The following KCNQ2 variants were observed in gnomAD, a reference collection of about 807,000 sequenced individuals.
KCNQ2 encodes the protein potassium voltage-gated channel subfamily Q member 2.
In KCNQ2, 14 loss-of-function variants were observed where a neutral mutation model predicts 84.8. The ratio of observed to expected loss-of-function variants is 0.17; its 90% confidence interval spans 0.11 to 0.26. The LOEUF is 0.26. Ranked by LOEUF, KCNQ2 falls within the 10% of genes least tolerant of loss-of-function variation. The probability of loss-of-function intolerance (pLI) is 1.00; values close to 1 mark genes in which losing one functional copy is unlikely to be tolerated. For missense variants in KCNQ2, 788 were observed against 1,254.0 expected (o/e 0.63, Z 5.61); for synonymous variants, 599 against 554.1 (o/e 1.08, Z -1.14).
chr20:63,444,466 ACGAGAAGAAGCAC>A (rs1056431692), intron 4 of KCNQ2, among the ~76,000 whole-genome samples, 180 bp downstream of exon 4: 1 of 152,162 alleles, frequency 6.6e-6, no homozygotes, highest in Admixed American at 6.5e-5. Flanking sequence ...GGCCCAAGTC[ACGAGAAGAAGCAC>A]CGAGAAGAAA....
At chr20:63,437,356 T>A (rs2081038730) in intron 7 of KCNQ2, 1 of 152,224 alleles carries the variant, frequency 6.6e-6, no homozygotes, top group African/African-American at 2.4e-5. Flanking sequence ...AAACCGTCAA[T>A]AGTGGAGTGA....
At position 63,401,204 on chromosome 20, in the gene KCNQ2, C is replaced by A; in HGVS notation, c.*5440G>T. 8.4e-6 allele frequency: 2 copies of A among 239,102 alleles called. No individual in the cohort carries two copies. Among genetic ancestry groups the A allele is most frequent in the Admixed American group, 5.6e-5 (1 of 17,746 alleles). 14.8% of individuals were successfully genotyped at this position (239,102 alleles called of 1,614,324 possible). A position where few individuals can be genotyped will look rare whatever the true frequency, so the allele number is the denominator to read the frequency against. ...ACGCCTTTTAAAACTCTGAAGAGGCCCCTCCATCCCAAATGGTCCCCTCCC... is the reference window on the plus strand; with the variant it reads ...ACGCCTTTTAAAACTCTGAAGAGGCACCTCCATCCCAAATGGTCCCCTCCC... On this transcript the variant is annotated 3_prime_UTR_variant, in exon 17 of 17. Transcript: ENST00000359125.
At chr20:63,453,472 G>A (rs1197113265) in intron 1 of KCNQ2, among the ~76,000 whole-genome samples, 1 of 152,272 alleles carries the variant, frequency 6.6e-6, no homozygotes, top group Non-Finnish European at 1.5e-5. Context: ...CATCTCGTGC[G>A]CCTTCTGCGG....
rs202133311 is a variant in KCNQ2 at position 63,442,701 on chromosome 20, T to C, written c.691-170A>G. On this transcript the variant is annotated intron_variant, in intron 4 of 16. Coordinates refer to ENST00000359125, the MANE Select transcript of KCNQ2 (RefSeq NM_172107.4). ...ACCACCACCATCACCATCACCACCA[T>C]CACCATCACCACCACCACCACCATC... Among the ~76,000 whole-genome samples the C allele has an allele frequency of 0.6, 28,296 of 47,278 alleles. 7,322 individuals are homozygous for C. Among genetic ancestry groups the C allele is most frequent in the African/African-American group, 0.64 (7,543 of 11,842 alleles). The allele number at this position is 47,278 out of a possible 152,430, so 31.0% of individuals were successfully genotyped here.
chr20:63,404,255 G>A lies in KCNQ2; in HGVS notation c.*2389C>T, dbSNP rs1329363328. On this transcript the variant is annotated 3_prime_UTR_variant, in exon 17 of 17. Transcript: ENST00000359125. ...GAGCAGGCGGGGCCTCACCTCGGGG[G>A]AGGAAAGAGCAGGTGGGGCCATACT... The A allele has an allele frequency of 1.3e-5, 2 of 152,374 alleles. No individual in the cohort carries two copies. The highest frequency in any genetic ancestry group is 4.8e-5 in the African/African-American group (2 of 41,364). 9.4% of individuals were successfully genotyped at this position (152,374 alleles called of 1,614,324 possible).
rs1243967223 is a variant in KCNQ2 at position 63,446,953 on chromosome 20, C to T, written c.297-116G>A. On this transcript the variant is annotated intron_variant, in intron 1 of 16. Coordinates refer to ENST00000359125, the MANE Select transcript of KCNQ2 (RefSeq NM_172107.4). This position sits in a 1 kb window ranked among gnomAD's most constrained non-coding sequence, Gnocchi z 5.5. ...GGCCGCAGCAGGGCACCAGCATGGC[C>T]GCGTCTCCAGAACGCAGGACCCCAC... 5.4e-6 allele frequency: 5 copies of T among 921,556 alleles called. No individual in the cohort carries two copies. Among genetic ancestry groups the T allele is most frequent in the Middle Eastern group, 2.9e-4 (1 of 3,480 alleles). The allele number at this position is 921,556 out of a possible 1,614,324, so 57.1% of individuals were successfully genotyped here. A position where few individuals can be genotyped will look rare whatever the true frequency, so the allele number is the denominator to read the frequency against.
chr20:63,417,343 C>G (rs1172432202), intron 12 of KCNQ2, among the ~76,000 whole-genome samples: 1 of 152,250 alleles, frequency 6.6e-6, no homozygotes, highest in African/African-American at 2.4e-5. Context: ...CCTCCTGACC[C>G]CGCTCAGGCA....
chr20:63,454,807 C>T (rs567741842), intron 1 of KCNQ2, among the ~76,000 whole-genome samples: 11 of 152,380 alleles, frequency 7.2e-5, no homozygotes, highest in Admixed American at 7.2e-4. Flanking sequence ...CACTGGGACA[C>T]ACTCCCTGCC....
chr20:63,443,085 C>T (rs1600774258), intron 4 of KCNQ2, among the ~76,000 whole-genome samples: 1 of 40,964 alleles, frequency 2.4e-5, no homozygotes, highest in African/African-American at 9.8e-5. Context: ...CCACCACCAC[C>T]ATTATCACCA....
intron 1 of KCNQ2, among the ~76,000 whole-genome samples, chr20:63,467,814 A>G (rs2082117922): frequency 6.6e-6 from 1 of 152,202 alleles, no homozygotes; most frequent in African/African-American, 2.4e-5. Context: ...CGTGGTCAGC[A>G]TCCTGGGGGC....
At chr20:63,411,501 A>G (rs778547831) in intron 15 of KCNQ2, among the ~76,000 whole-genome samples, 1 of 152,220 alleles carries the variant, frequency 6.6e-6, no homozygotes, top group Non-Finnish European at 1.5e-5. Context: ...CCCAGAGGGA[A>G]ATCTCACAGG....
At chr20:63,411,662 G>A (rs1282909688) in intron 15 of KCNQ2, 3 of 498,278 alleles carry the variant, frequency 6.0e-6, no homozygotes, top group South Asian at 3.8e-5. Context: ...GAGAAAACCC[G>A]AGTGTCCCCT....
At chr20:63,443,571 CCACCATCACTACCACCAT>C (rs1299222110) in intron 4 of KCNQ2, 9 of 147,496 alleles carry the variant, frequency 6.1e-5, no homozygotes, top group African/African-American at 2.3e-4. Context: ...ACCACCACCA[CCACCATCACTACCACCAT>C]CACCACCATC....
intron 1 of KCNQ2, among the ~76,000 whole-genome samples, chr20:63,461,354 G>A (rs189322758): frequency 9.5e-4 from 145 of 152,292 alleles, no homozygotes; most frequent in African/African-American, 3.4e-3. Flanking sequence ...TTGTAAAGGA[G>A]AGAAGCCGGT....
At chr20:63,411,794 A>G (rs770739291) in intron 15 of KCNQ2, 2 of 641,224 alleles carry the variant, frequency 3.1e-6, no homozygotes, top group Admixed American at 2.7e-5. Flanking sequence ...TACTGGGGTG[A>G]CTCTCTCGGA....
rs1413176603 is a variant in KCNQ2 at position 63,406,280 on chromosome 20, G to A, written c.*364C>T. On this transcript the variant is annotated 3_prime_UTR_variant, in exon 17 of 17. Transcript: ENST00000359125. The stretch of plus-strand genomic sequence containing the variant: ...GCCCTTTGTGCCTCCCCTGGGCTCG[G>A]CTGAGACAACCCCCCGCCTGTTGCC... 1.5e-5 allele frequency: 4 copies of A among 259,316 alleles called. No individual in the cohort carries two copies. The highest frequency in any genetic ancestry group is 9.9e-5 in the Admixed American group (2 of 20,294). 16.1% of individuals were successfully genotyped at this position (259,316 alleles called of 1,614,324 possible). A position where few individuals can be genotyped will look rare whatever the true frequency, so the allele number is the denominator to read the frequency against.
intron 12 of KCNQ2, among the ~76,000 whole-genome samples, chr20:63,416,876 C>A (rs938233256): frequency 2.0e-5 from 3 of 152,208 alleles, no homozygotes; most frequent in Non-Finnish European, 4.4e-5. Flanking sequence ...ATCCCCCAGG[C>A]AGCAGGTGAC....
At chr20:63,454,264 T>C (rs1208538202) in intron 1 of KCNQ2, among the ~76,000 whole-genome samples, 1 of 152,152 alleles carries the variant, frequency 6.6e-6, no homozygotes, top group Non-Finnish European at 1.5e-5. Context: ...AGGAAGCAGC[T>C]GCCCCTCCCG....
chr20:63,455,514 G>A (rs898145392), intron 1 of KCNQ2, among the ~76,000 whole-genome samples: 1 of 152,190 alleles, frequency 6.6e-6, no homozygotes, highest in Non-Finnish European at 1.5e-5. Flanking sequence ...CACCCCGAAT[G>A]CAGTCACAGA....
Sources: allele counts gnomAD v4.1 joint callset (sites outside exome capture counted in the v4.1 genomes callset), GRCh38; gene constraint gnomAD v4.1.1; non-coding constraint Gnocchi (gnomAD v3.1); transcripts MANE v1.5; gene names NCBI Gene and HGNC (gene_info 2026-07-23, HGNC 2026-07-21).